CTNNA3: variants seen among roughly 807,000 people sequenced by gnomAD.
CTNNA3 encodes the protein catenin alpha 3.
Under a neutral mutation model 95.7 loss-of-function variants are expected in CTNNA3, and 76 were observed. The observed-to-expected ratio is 0.79, with a 90% CI of 0.66 to 0.96. CTNNA3 has a LOEUF of 0.96. Ranked by LOEUF, CTNNA3 falls within the 40% of genes least tolerant of loss-of-function variation. CTNNA3 has a pLI of 0.00. For missense variants in CTNNA3, 1,191 were observed against 1,089.8 expected (o/e 1.09, Z -1.31); for synonymous variants, 431 against 374.4 (o/e 1.15, Z -1.74).
intron 12 of CTNNA3, among the ~76,000 whole-genome samples, chr10:66,286,975 T>G (rs2091599033): frequency 6.6e-6 from 1 of 152,116 alleles, no homozygotes; most frequent in Non-Finnish European, 1.5e-5. Flanking sequence ...AGGGTACATA[T>G]GATAACTTAA....
chr10:65,989,184 C>G, intron 15 of CTNNA3, among the ~76,000 whole-genome samples: 1 of 152,158 alleles, frequency 6.6e-6, no homozygotes, highest in East Asian at 1.9e-4. Context: ...CGTGATCCAC[C>G]CGCCTCGGCC....
chr10:66,229,131 C>G (rs1434610034), intron 13 of CTNNA3, among the ~76,000 whole-genome samples: 1 of 152,108 alleles, frequency 6.6e-6, no homozygotes, highest in Non-Finnish European at 1.5e-5. Context: ...AAACCATTTA[C>G]CAAAGATTTT....
chr10:66,745,734 C>A (rs928722231), intron 9 of CTNNA3, among the ~76,000 whole-genome samples: 1 of 149,934 alleles, frequency 6.7e-6, no homozygotes, highest in Non-Finnish European at 1.5e-5. Flanking sequence ...GGACTACAGG[C>A]GCACATCACC....
At chr10:67,570,217 A>ATTC (rs1841936388) in intron 3 of CTNNA3, among the ~76,000 whole-genome samples, 1 of 151,934 alleles carries the variant, frequency 6.6e-6, no homozygotes. Flanking sequence ...TATATATGAA[A>ATTC]TTCTTCTATT....
intron 1 of CTNNA3, among the ~76,000 whole-genome samples, chr10:67,727,148 T>A (rs562787012): frequency 8.2e-6 from 1 of 122,388 alleles, no homozygotes; most frequent in Admixed American, 9.7e-5. Context: ...ATACATATAT[T>A]ATATAATTAT....
chr10:66,408,849 A>T, intron 11 of CTNNA3, among the ~76,000 whole-genome samples: 1 of 152,180 alleles, frequency 6.6e-6, no homozygotes, highest in East Asian at 1.9e-4. Flanking sequence ...GATATTTTTC[A>T]ATTGGAGAGT....
chr10:67,423,570 C>T (rs1262903606), intron 5 of CTNNA3, among the ~76,000 whole-genome samples: 1 of 152,106 alleles, frequency 6.6e-6, no homozygotes, highest in Non-Finnish European at 1.5e-5. Flanking sequence ...ACACTAAACA[C>T]TTTTCAGTTT....
chr10:66,806,849 C>T (rs992008025), intron 7 of CTNNA3, among the ~76,000 whole-genome samples: 9 of 149,890 alleles, frequency 6.0e-5, no homozygotes, highest in African/African-American at 9.8e-5. Context: ...TATATATATT[C>T]GGCAAGTATT....
At chr10:66,415,931 C>T (rs2093142364) in intron 11 of CTNNA3, among the ~76,000 whole-genome samples, 1 of 152,004 alleles carries the variant, frequency 6.6e-6, no homozygotes, top group Admixed American at 6.6e-5. Flanking sequence ...ACACAGGAAT[C>T]ATGAAAAAGC....
chr10:66,775,922 G>A (rs558120538), intron 7 of CTNNA3, among the ~76,000 whole-genome samples: 1 of 152,262 alleles, frequency 6.6e-6, no homozygotes, highest in African/African-American at 2.4e-5. Flanking sequence ...ATGGTGTATT[G>A]TGTAAGTTAT....
chr10:67,364,394 C>T (rs567149838), intron 5 of CTNNA3, among the ~76,000 whole-genome samples: 4 of 152,234 alleles, frequency 2.6e-5, no homozygotes, highest in Admixed American at 2.6e-4. Flanking sequence ...TGGAAGCATT[C>T]CCTTTGAAAA....
intron 5 of CTNNA3, among the ~76,000 whole-genome samples, chr10:67,413,019 T>G (rs886543659): frequency 1.3e-5 from 2 of 152,096 alleles, no homozygotes; most frequent in African/African-American, 4.8e-5. Flanking sequence ...GTAAATGGGC[T>G]AAACAGCCCA....
At chr10:66,119,522 C>T (rs540988511) in intron 13 of CTNNA3, among the ~76,000 whole-genome samples, 1 of 152,226 alleles carries the variant, frequency 6.6e-6, no homozygotes, top group South Asian at 2.1e-4. Context: ...ATATTTTTTA[C>T]TCCTCATGCT....
intron 9 of CTNNA3, among the ~76,000 whole-genome samples, chr10:66,712,592 C>CCTCT (rs779653367): frequency 6.7e-6 from 1 of 149,150 alleles, no homozygotes; most frequent in Non-Finnish European, 1.5e-5. Context: ...ACTCTCTCTC[C>CCTCT]CTCTCTCTCT....
intron 7 of CTNNA3, among the ~76,000 whole-genome samples, chr10:66,995,864 A>G (rs1007503524): frequency 1.1e-4 from 17 of 152,202 alleles, no homozygotes; most frequent in Non-Finnish European, 1.8e-4. Context: ...ATACACTTCC[A>G]TCTTTGTTTC....
chr10:66,790,620 T>A (rs1840932147), intron 7 of CTNNA3, among the ~76,000 whole-genome samples: 1 of 152,188 alleles, frequency 6.6e-6, no homozygotes, highest in Admixed American at 6.5e-5. Context: ...TCTATAAACA[T>A]CATTTTACTG....
intron 9 of CTNNA3, among the ~76,000 whole-genome samples, chr10:66,652,615 A>T (rs7921056): frequency 0.66 from 100,219 of 151,964 alleles, 33,949 homozygotes; most frequent in East Asian, 0.95. Flanking sequence ...ACATTGAAGA[A>T]GAAATACTTC....
intron 10 of CTNNA3, among the ~76,000 whole-genome samples, chr10:66,531,758 A>G (rs1434174468): frequency 6.6e-6 from 1 of 152,130 alleles, no homozygotes; most frequent in Non-Finnish European, 1.5e-5. Flanking sequence ...CCTGTAACAT[A>G]AAACTAAAAT....
At chr10:67,069,482 T>G (rs571450125) in intron 7 of CTNNA3, among the ~76,000 whole-genome samples, 10 of 152,250 alleles carry the variant, frequency 6.6e-5, no homozygotes, top group African/African-American at 2.2e-4. Flanking sequence ...TGATGGTGAA[T>G]ATTCATAAAC....
Sources: gnomAD v4.1 joint callset for allele counts (sites outside exome capture counted in the v4.1 genomes callset) on GRCh38, gnomAD v4.1.1 for gene constraint, MANE v1.5 for transcripts, NCBI Gene and HGNC (gene_info 2026-07-23, HGNC 2026-07-21) for gene names.